The following CCDC91 variants were observed in gnomAD, a reference collection of about 807,000 sequenced individuals.
CCDC91 encodes the protein coiled-coil domain-containing protein 91.
Under a neutral mutation model 63.2 loss-of-function variants are expected in CCDC91, and 48 were observed. That is an observed-to-expected ratio of 0.76 (90% CI 0.60 to 0.97). CCDC91 has a LOEUF of 0.97. Ranked by LOEUF, CCDC91 falls within the 50% of genes least tolerant of loss-of-function variation. The pLI is 0.00. For synonymous variants in CCDC91, 167 were observed against 165.8 expected, an observed-to-expected ratio of 1.01 and a Z score of -0.06; for missense variants, 500 against 494.6, an observed-to-expected ratio of 1.01 and a Z score of -0.10.
intron 6 of CCDC91, among the ~76,000 whole-genome samples, chr12:28,361,288 G>A (rs543965725): frequency 7.3e-5 from 11 of 151,562 alleles, no homozygotes; most frequent in South Asian, 2.1e-4. Context: ...CCATTAACTC[G>A]TCATTTAGCA....
At chr12:28,353,063 C>G (rs1943286307) in intron 6 of CCDC91, among the ~76,000 whole-genome samples, 1 of 152,204 alleles carries the variant, frequency 6.6e-6, no homozygotes, top group Non-Finnish European at 1.5e-5. Context: ...TGATAATTTG[C>G]CGCAGTTCTA....
At chr12:28,341,964 T>A (rs1206123922) in intron 6 of CCDC91, among the ~76,000 whole-genome samples, 1 of 152,220 alleles carries the variant, frequency 6.6e-6, no homozygotes, top group Non-Finnish European at 1.5e-5. Flanking sequence ...AATCTGTGAA[T>A]ATGTTGCATG....
At chr12:28,528,623 G>T (rs545197629) in intron 12 of CCDC91, among the ~76,000 whole-genome samples, 1 of 152,084 alleles carries the variant, frequency 6.6e-6, no homozygotes, top group African/African-American at 2.4e-5. Context: ...GTCCAAGTGG[G>T]GGCTGCAATC....
intron 6 of CCDC91, among the ~76,000 whole-genome samples, chr12:28,334,920 A>G (rs10843155): frequency 0.2 from 30,479 of 151,224 alleles, 4,036 homozygotes; most frequent in Non-Finnish European, 0.3. Context: ...TCAGTCTTCT[A>G]AAATGTCTCC....
intron 6 of CCDC91, among the ~76,000 whole-genome samples, chr12:28,314,631 A>AT (rs34613897): frequency 0.4 from 60,289 of 151,824 alleles, 12,490 homozygotes; most frequent in Middle Eastern, 0.5. Flanking sequence ...TCATTTACAT[A>AT]TTTTTTGGCA....
chr12:28,545,358 A>G (rs1942915497), intron 12 of CCDC91, among the ~76,000 whole-genome samples: 1 of 152,128 alleles, frequency 6.6e-6, no homozygotes, highest in Admixed American at 6.6e-5. Context: ...GTTGAAATTC[A>G]GGAATTTGCC....
chr12:28,446,271 C>G (rs1949495967), intron 8 of CCDC91, among the ~76,000 whole-genome samples: 1 of 152,164 alleles, frequency 6.6e-6, no homozygotes, highest in African/African-American at 2.4e-5. Context: ...CATGAAAAAT[C>G]AGTTCAATAT....
At chr12:28,521,991 A>T (rs1940727855) in intron 12 of CCDC91, among the ~76,000 whole-genome samples, 1 of 151,954 alleles carries the variant, frequency 6.6e-6, no homozygotes, top group African/African-American at 2.4e-5. Flanking sequence ...TTTCTTGAGG[A>T]TTTTTGCATC....
At chr12:28,500,317 T>C (rs1937647777) in intron 12 of CCDC91, among the ~76,000 whole-genome samples, 1 of 152,122 alleles carries the variant, frequency 6.6e-6, no homozygotes, top group African/African-American at 2.4e-5. Context: ...GATGATAGTT[T>C]CTTTTGCTGT....
rs550306314 is a variant in CCDC91 at position 28,451,060 on chromosome 12, T to A, written c.924+642T>A. ...ACATCATATATCTATGTCATAGAAG[T>A]TTTTTTAAAGCAATAAATTACTTTT... On this transcript the variant is annotated intron_variant, in intron 10 of 12. Coordinates refer to ENST00000536442, the MANE Select transcript of CCDC91 (RefSeq NM_018318.5). Among the ~76,000 whole-genome samples, 84 of 151,884 alleles carry A rather than the reference T, an allele frequency of 5.5e-4. 1 individual carries two copies. Among genetic ancestry groups the A allele is most frequent in the Admixed American group, 4.5e-3 (69 of 15,260 alleles).
At chr12:28,339,355 A>T (rs1363006301) in intron 6 of CCDC91, among the ~76,000 whole-genome samples, 1 of 152,112 alleles carries the variant, frequency 6.6e-6, no homozygotes, top group Non-Finnish European at 1.5e-5. Flanking sequence ...ACTTTTAGTT[A>T]TCCAGTTAGA....
chr12:28,223,440 A>G lies in CCDC91; in HGVS notation c.-15+32799A>G, dbSNP rs1426478729. On this transcript the variant is annotated intron_variant, in intron 1 of 12. Transcript: ENST00000536442. ...TACATGCTAGCCTGACTGTGGTTTCATTTGGCTTCCTTTTTCTGAGTCTCT... is the reference window on the plus strand; with the variant it reads ...TACATGCTAGCCTGACTGTGGTTTCGTTTGGCTTCCTTTTTCTGAGTCTCT... Among the ~76,000 whole-genome samples, 5 of 152,112 alleles carry G rather than the reference A, an allele frequency of 3.3e-5. No homozygotes were observed. In the East Asian group the frequency reaches 9.7e-4, roughly 29 times the overall value.
chr12:28,227,192 A>G (rs1051939188), intron 1 of CCDC91, among the ~76,000 whole-genome samples: 11 of 152,082 alleles, frequency 7.2e-5, no homozygotes, highest in African/African-American at 2.7e-4. Context: ...CTTCACTGGA[A>G]AGTTATTCTT....
chr12:28,331,430 T>C (rs1362305306), intron 6 of CCDC91, among the ~76,000 whole-genome samples: 1 of 152,210 alleles, frequency 6.6e-6, no homozygotes, highest in Non-Finnish European at 1.5e-5. Context: ...TTGTATTCTA[T>C]GAAAATGGTG....
intron 11 of CCDC91, among the ~76,000 whole-genome samples, chr12:28,478,590 A>G (rs1231120990): frequency 1.3e-5 from 2 of 152,214 alleles, no homozygotes; most frequent in South Asian, 2.1e-4. Flanking sequence ...AGCAATGGCA[A>G]CAAAAGCCAA....
intron 1 of CCDC91, among the ~76,000 whole-genome samples, chr12:28,229,342 A>G (rs1944453682): frequency 6.6e-6 from 1 of 152,102 alleles, no homozygotes; most frequent in Non-Finnish European, 1.5e-5. Flanking sequence ...CCTGAGCCAG[A>G]TACTATTCTA....
intron 12 of CCDC91, among the ~76,000 whole-genome samples, chr12:28,524,442 G>A (rs1941065961): frequency 6.6e-6 from 1 of 152,064 alleles, no homozygotes; most frequent in South Asian, 2.1e-4. Flanking sequence ...TGCATCCCTG[G>A]TATTAAACCC....
At chr12:28,471,689 T>A (rs1950821047) in intron 11 of CCDC91, among the ~76,000 whole-genome samples, 1 of 143,484 alleles carries the variant, frequency 7.0e-6, no homozygotes, top group Non-Finnish European at 1.6e-5. Context: ...GGGCATTAAC[T>A]CATAATAATT....
intron 6 of CCDC91, among the ~76,000 whole-genome samples, chr12:28,321,197 G>C (rs998968941): frequency 4.0e-5 from 6 of 151,748 alleles, no homozygotes; most frequent in African/African-American, 1.5e-4. Flanking sequence ...CACTTGCTGA[G>C]ACAGCCTTTT....
Sources: gnomAD v4.1 joint callset for allele counts (sites outside exome capture counted in the v4.1 genomes callset) on GRCh38, gnomAD v4.1.1 for gene constraint, MANE v1.5 for transcripts, NCBI Gene and HGNC (gene_info 2026-07-23, HGNC 2026-07-21) for gene names.